The following TMEM185A variants were observed in gnomAD, a reference collection of about 807,000 sequenced individuals.
TMEM185A encodes the protein transmembrane protein 185A.
TMEM185A carries 9 observed loss-of-function variants against 25.0 expected under a neutral mutation model. The ratio of observed to expected loss-of-function variants is 0.36; its 90% CI spans 0.22 to 0.63. The LOEUF is 0.63. TMEM185A is among the 20% of genes least tolerant of loss of function. The pLI is 0.68. For synonymous variants in TMEM185A, 45 were observed against 93.5 expected (o/e 0.48, Z 2.99); for missense variants, 103 against 237.4 (o/e 0.43, Z 3.72).
At chrX:149,611,545 T>C (rs970563114) in intron 1 of TMEM185A, 82 bp from the exon 2 acceptor site, 1 of 921,243 alleles carries the variant, frequency 1.1e-6, no homozygotes, top group African/African-American at 2.0e-5. Context: ...AGAGCCACAT[T>C]TGTCAGCATG....
chrX:149,628,742 T>C (rs1364363881), intron 1 of TMEM185A, among the ~76,000 whole-genome samples: 2 of 111,882 alleles, frequency 1.8e-5, no homozygotes, highest in African/African-American at 6.5e-5. Context: ...AATATAGCCA[T>C]ATTCTGCCTT....
intron 4 of TMEM185A, chrX:149,603,660 G>T: frequency 6.0e-6 from 1 of 167,361 alleles, no homozygotes; most frequent in Non-Finnish European, 1.1e-5. Context: ...AGGATGGTCT[G>T]ATACATGCAC....
intron 1 of TMEM185A, among the ~76,000 whole-genome samples, chrX:149,613,445 C>T (rs192146122): frequency 3.6e-5 from 4 of 112,112 alleles, no homozygotes; most frequent in African/African-American, 9.7e-5. Flanking sequence ...GAATAACTCG[C>T]AGCTGACAGC....
intron 1 of TMEM185A, among the ~76,000 whole-genome samples, chrX:149,630,551 T>C (rs1322156340): frequency 1.8e-5 from 2 of 111,198 alleles, no homozygotes; most frequent in African/African-American, 6.6e-5. Context: ...TTTCGGAGAG[T>C]AGTGCATTTA....
chrX:149,597,222 G>GA lies in TMEM185A; in HGVS notation c.*788_*789insT, dbSNP rs1430784052. 1 of 57,943 alleles carries GA rather than the reference G, an allele frequency of 1.7e-5. No individual in the cohort carries two copies. Among genetic ancestry groups the GA allele is most frequent in the Admixed American group, 1.7e-4 (1 of 5,852 alleles). The allele number at this position is 57,943 out of a possible 1,213,427, so 4.8% of individuals were successfully genotyped here. A position where few individuals can be genotyped will look rare whatever the true frequency, so the allele number is the denominator to read the frequency against. On this transcript the variant is annotated 3_prime_UTR_variant, in exon 7 of 7. Transcript: ENST00000600449. ...TCCCATGAAGGCGTGGCACCCCACG[G>GA]GGGGGGGGGGAGTGTGCCACGGGCG...
chrX:149,611,028 T>C (rs2090080534), intron 2 of TMEM185A, among the ~76,000 whole-genome samples: 1 of 111,852 alleles, frequency 8.9e-6, no homozygotes. Flanking sequence ...ACCAGTTCTG[T>C]ATTTTGGGTG....
At chrX:149,621,421 T>C (rs1293675057) in intron 1 of TMEM185A, among the ~76,000 whole-genome samples, 6 of 111,986 alleles carry the variant, frequency 5.4e-5, no homozygotes, top group Admixed American at 2.8e-4. Flanking sequence ...ACATGAAAAA[T>C]AGAAAACAAG....
At position 149,631,734 on chromosome X, in the gene TMEM185A, G is replaced by A; in HGVS notation, c.-154C>T. On this transcript the variant is annotated 5_prime_UTR_variant, in exon 1 of 7. The change creates a new upstream start codon in the 5' untranslated region. Transcript: ENST00000600449. ...CGTCCCCGCTGCCGTCGCCGTCGCC[G>A]TCGCCGCCGCCGCCGCCGCCGCCGC... 5.5e-6 allele frequency: 2 copies of A among 361,672 alleles called. 1 individual carries two copies. The highest frequency in any genetic ancestry group is 2.1e-4 in the South Asian group (2 of 9,559). The allele number at this position is 361,672 out of a possible 1,213,427, so 29.8% of individuals were successfully genotyped here. A position where few individuals can be genotyped will look rare whatever the true frequency, so the allele number is the denominator to read the frequency against.
intron 1 of TMEM185A, among the ~76,000 whole-genome samples, chrX:149,631,220 G>C (rs2090189973): frequency 9.1e-6 from 1 of 109,420 alleles, no homozygotes; most frequent in South Asian, 4.1e-4. Context: ...GGATGGAACC[G>C]AGACGAAGAA....
At chrX:149,613,894 T>C (rs2090097397) in intron 1 of TMEM185A, among the ~76,000 whole-genome samples, 1 of 112,233 alleles carries the variant, frequency 8.9e-6, no homozygotes, top group Admixed American at 9.4e-5. Flanking sequence ...GGGGTCAATT[T>C]GTCATATGCC....
intron 3 of TMEM185A, among the ~76,000 whole-genome samples, chrX:149,606,084 G>T (rs1288721197): frequency 8.9e-6 from 1 of 112,197 alleles, no homozygotes; most frequent in Non-Finnish European, 1.9e-5. Flanking sequence ...TAAATCTAAA[G>T]AAAAATGTTA....
chrX:149,612,777 CA>C (rs2090090685), intron 1 of TMEM185A, among the ~76,000 whole-genome samples: 1 of 111,889 alleles, frequency 8.9e-6, no homozygotes, highest in East Asian at 2.8e-4. Context: ...AGGTTGTTGG[CA>C]GAATCCAGTT....
In TMEM185A at chrX:149,631,738, C is replaced by CCGCCGCCGCCGCCGT. The variant is rs2090198320; in HGVS notation, c.-159_-158insACGGCGGCGGCGGCG. On this transcript the variant is annotated 5_prime_UTR_variant, in exon 1 of 7. Coordinates refer to ENST00000600449, the MANE Select transcript of TMEM185A (RefSeq NM_032508.4). ...CCCGCTGCCGTCGCCGTCGCCGTCG[C>CCGCCGCCGCCGCCGT]CGCCGCCGCCGCCGCCGCCGCCGCC... 2 of 13,218 alleles carry CCGCCGCCGCCGCCGT rather than the reference C, an allele frequency of 1.5e-4. No homozygotes were observed. The highest frequency in any genetic ancestry group is 1.5e-3 in the South Asian group (2 of 1,351). 1.1% of individuals were successfully genotyped at this position (13,218 alleles called of 1,213,427 possible). A position where few individuals can be genotyped will look rare whatever the true frequency, so the allele number is the denominator to read the frequency against.
At chrX:149,627,621 A>G (rs916443129) in intron 1 of TMEM185A, among the ~76,000 whole-genome samples, 1 of 112,172 alleles carries the variant, frequency 8.9e-6, no homozygotes, top group African/African-American at 3.2e-5. Flanking sequence ...TTTCCACTAT[A>G]GACTCTTCCC....
intron 3 of TMEM185A, chrX:149,606,736 T>C (rs2090053658): frequency 8.9e-6 from 1 of 112,513 alleles, no homozygotes; most frequent in Admixed American, 9.3e-5. Flanking sequence ...CTCACCAACA[T>C]AGGTACTGTT....
intron 1 of TMEM185A, among the ~76,000 whole-genome samples, chrX:149,620,524 G>A (rs1483468511): frequency 8.9e-6 from 1 of 111,755 alleles, no homozygotes; most frequent in East Asian, 2.8e-4. Flanking sequence ...AGTCCAGCAC[G>A]TGGTGGTGAA....
Position 149,611,280 on chromosome X carries a change from G to A in TMEM185A, c.215+7C>T. 2.5e-6 allele frequency: 3 copies of A among 1,204,859 alleles called. No individual in the cohort carries two copies. Among genetic ancestry groups the A allele is most frequent in the South Asian group, 1.8e-5 (1 of 55,471 alleles). On this transcript the variant is annotated splice_region_variant and intron_variant, in intron 2 of 6. Transcript: ENST00000600449. The stretch of plus-strand genomic sequence containing the variant: ...AGAGACCAATGGGTTGTATAAAGCA[G>A]TATTACCGATATTGAGGATTTCGTG...
intron 1 of TMEM185A, among the ~76,000 whole-genome samples, chrX:149,622,975 C>T (rs1216627516): frequency 8.9e-6 from 1 of 112,449 alleles, no homozygotes; most frequent in Non-Finnish European, 1.9e-5. Context: ...ATGATCAAAT[C>T]AGAGTAACTG....
At chrX:149,628,146 C>T (rs1557356242) in intron 1 of TMEM185A, among the ~76,000 whole-genome samples, 3 of 111,915 alleles carry the variant, frequency 2.7e-5, no homozygotes, top group African/African-American at 9.8e-5. Flanking sequence ...GAGCTCACAA[C>T]AGATGACTAA....
Sources: allele counts gnomAD v4.1 joint callset (sites outside exome capture counted in the v4.1 genomes callset), GRCh38; gene constraint gnomAD v4.1.1; transcripts MANE v1.5; gene names NCBI Gene and HGNC (gene_info 2026-07-23, HGNC 2026-07-21).